Variants in NLK observed in about 807,000 individuals in gnomAD.
The protein encoded by NLK is nemo like kinase, also known as serine/threonine-protein kinase NLK.
A neutral mutation model predicts 59.0 loss-of-function variants in NLK; 11 were observed. The observed-to-expected ratio is 0.19, with a 90% confidence interval of 0.12 to 0.31. NLK has a LOEUF of 0.31. Ranked by LOEUF, NLK falls within the 10% of genes least tolerant of loss-of-function variation. NLK has a pLI of 1.00. For missense variants in NLK, 410 were observed against 661.1 expected (o/e 0.62, Z 4.16); for synonymous variants, 235 against 235.9 (o/e 1.00, Z 0.03).
At position 28,089,089 on chromosome 17, in the gene NLK, G is replaced by A. The variant is rs72850128; in HGVS notation, c.459-33514G>A. 1.8e-3 allele frequency among the ~76,000 whole-genome samples: 268 copies of A among 152,252 alleles called. 1 individual carries two copies. The highest frequency in any genetic ancestry group is 5.1e-3 in the Admixed American group (78 of 15,290). ...CCAACAATATGATTAATGAAAACAG[G>A]TTTAGATGATGTAAAGAACTTTGTT... On this transcript the variant is annotated intron_variant, in intron 1 of 10. Coordinates refer to ENST00000407008, the MANE Select transcript of NLK (RefSeq NM_016231.5).
Position 28,043,138 on chromosome 17 carries a change from C to G in NLK, c.265C>G (p.Gln89Glu). The G allele has an allele frequency of 6.2e-7, 1 of 1,611,300 alleles. No homozygotes were observed. Among genetic ancestry groups the G allele is most frequent in the East Asian group, 2.2e-5 (1 of 44,786 alleles). The change falls in exon 1 of 11, where the codon CAA becomes GAA. Residue 89 changes from glutamine (Q) to glutamate (E), a missense_variant. By Grantham distance (29) the Gln-to-Glu change is conservative. Around this residue, in one of 5 missense-constraint regions of NLK, gnomAD observed 160 missense variants for 171.0 expected, o/e 0.94. Coordinates refer to ENST00000407008, the MANE Select transcript of NLK (RefSeq NM_016231.5). ...AGCTGCAGCCATGTTAAACCCTGGG[C>G]AACAACAGCCATATTTCCCATCACC... The part of the protein sequence containing the change: ...AAAAAMLNPG[Q>E]QQPYFPSPAP...
At chr17:28,064,800 G>A (rs1909773241) in intron 1 of NLK, among the ~76,000 whole-genome samples, 2 of 152,162 alleles carry the variant, frequency 1.3e-5, no homozygotes. Context: ...TTGCTTTACT[G>A]CTTTGTGTCT....
At chr17:28,050,447 TAAACA>T (rs1218064590) in intron 1 of NLK, among the ~76,000 whole-genome samples, 3 of 152,112 alleles carry the variant, frequency 2.0e-5, no homozygotes, top group African/African-American at 7.2e-5. Context: ...ATATAGCACA[TAAACA>T]GTTAAATAGC....
intron 1 of NLK, among the ~76,000 whole-genome samples, chr17:28,056,769 A>AT (rs1909457870): frequency 6.6e-6 from 1 of 152,230 alleles, no homozygotes; most frequent in African/African-American, 2.4e-5. Context: ...ATTTGAAAGA[A>AT]TTGTATGATA....
intron 8 of NLK, among the ~76,000 whole-genome samples, chr17:28,186,689 G>A (rs1358435264): frequency 6.6e-6 from 1 of 152,144 alleles, no homozygotes; most frequent in African/African-American, 2.4e-5. Context: ...AATCTGGTCA[G>A]ATCTCATGAG....
intron 1 of NLK, among the ~76,000 whole-genome samples, chr17:28,044,414 A>G (rs1387034616): frequency 6.6e-6 from 1 of 152,174 alleles, no homozygotes; most frequent in Non-Finnish European, 1.5e-5. Flanking sequence ...TGATGGGTGC[A>G]TTGTTTATGC....
chr17:28,145,886 T>C (rs977842676), intron 3 of NLK, among the ~76,000 whole-genome samples: 1 of 152,102 alleles, frequency 6.6e-6, no homozygotes, highest in African/African-American at 2.4e-5. Context: ...TTATATTTTT[T>C]AGTAGAGACA....
At chr17:28,075,963 GA>G (rs1397191398) in intron 1 of NLK, among the ~76,000 whole-genome samples, 1 of 152,114 alleles carries the variant, frequency 6.6e-6, no homozygotes, top group African/African-American at 2.4e-5. Context: ...CCCATACAGT[GA>G]AAAAAGCACA....
chr17:28,074,473 C>T (rs1267973607), intron 1 of NLK, among the ~76,000 whole-genome samples: 2 of 152,178 alleles, frequency 1.3e-5, no homozygotes, highest in East Asian at 3.9e-4. Context: ...GGAGAGGTTT[C>T]CTAAATGACC....
At chr17:28,103,399 G>A (rs1207029806) in intron 1 of NLK, among the ~76,000 whole-genome samples, 1 of 152,114 alleles carries the variant, frequency 6.6e-6, no homozygotes, top group Non-Finnish European at 1.5e-5. Context: ...CAGTGTGAAA[G>A]TTTTTGTTTG....
intron 3 of NLK, among the ~76,000 whole-genome samples, chr17:28,155,492 G>A (rs1907664135): frequency 6.6e-6 from 1 of 152,132 alleles, no homozygotes; most frequent in Non-Finnish European, 1.5e-5. Flanking sequence ...TATGTTTATT[G>A]TGGCCCTATT....
intron 3 of NLK, among the ~76,000 whole-genome samples, chr17:28,158,595 C>T (rs1021700093): frequency 1.3e-5 from 2 of 152,158 alleles, no homozygotes; most frequent in Middle Eastern, 6.8e-3. Flanking sequence ...TAACACTTAG[C>T]GTAAAACACA....
chr17:28,046,133 T>C (rs1034295414), intron 1 of NLK, among the ~76,000 whole-genome samples: 4 of 152,214 alleles, frequency 2.6e-5, no homozygotes, highest in African/African-American at 9.6e-5. Flanking sequence ...GAGAGATTGT[T>C]GTTTCTCCAT....
chr17:28,133,051 T>G (rs1297662888), intron 3 of NLK, among the ~76,000 whole-genome samples: 1 of 152,220 alleles, frequency 6.6e-6, no homozygotes, highest in Non-Finnish European at 1.5e-5. Context: ...AATACTGCCC[T>G]TTATTATAAC....
intron 7 of NLK, among the ~76,000 whole-genome samples, chr17:28,183,804 G>A (rs181527069): frequency 7.4e-4 from 113 of 152,220 alleles, no homozygotes; most frequent in African/African-American, 2.4e-3. Flanking sequence ...AAGTCAAGCC[G>A]ATAATAATTT....
chr17:28,068,786 C>T (rs963569461), intron 1 of NLK, among the ~76,000 whole-genome samples: 1 of 152,218 alleles, frequency 6.6e-6, no homozygotes, highest in Admixed American at 6.5e-5. Flanking sequence ...TTCAAGTGAT[C>T]CCCTGCTGCA....
chr17:28,182,112 T>A (rs1393188330), intron 7 of NLK, among the ~76,000 whole-genome samples: 2 of 152,204 alleles, frequency 1.3e-5, no homozygotes, highest in Non-Finnish European at 2.9e-5. Context: ...ATACCAAGGT[T>A]AAGACATGTT....
At chr17:28,197,777 TAAAATA>T (rs755553261), downstream of NLK, among the ~76,000 whole-genome samples, 24 of 152,110 alleles carry the variant, frequency 1.6e-4, no homozygotes, top group Non-Finnish European at 3.1e-4. Context: ...TACTTTATAT[TAAAATA>T]AGAATAGAAT....
At chr17:28,151,616 A>G (rs1180402398) in intron 3 of NLK, among the ~76,000 whole-genome samples, 1 of 152,192 alleles carries the variant, frequency 6.6e-6, no homozygotes, top group Non-Finnish European at 1.5e-5. Context: ...GCACAAGGGT[A>G]AATGGAAAAT....
Sources: allele counts gnomAD v4.1 joint callset (sites outside exome capture counted in the v4.1 genomes callset), GRCh38; gene constraint gnomAD v4.1.1; regional missense constraint gnomAD v4.1.1; transcripts MANE v1.5; gene names NCBI Gene and HGNC (gene_info 2026-07-23, HGNC 2026-07-21).